PRMT7: variants seen among roughly 807,000 people sequenced by gnomAD.
The protein encoded by PRMT7 is protein arginine methyltransferase 7.
PRMT7 carries 75 observed loss-of-function variants against 85.4 expected under a neutral mutation model. That is an observed-to-expected ratio of 0.88 (90% CI 0.73 to 1.06). The LOEUF is 1.06. Among genes scored for constraint, PRMT7 ranks in the 50% least tolerant of loss-of-function variants. PRMT7 has a pLI of 0.00. For missense variants in PRMT7, 868 were observed against 915.2 expected (o/e 0.95, Z 0.67); for synonymous variants, 397 against 359.5 (o/e 1.10, Z -1.18).
chr16:68,334,883 G>A (rs1008107245), intron 6 of PRMT7, among the ~76,000 whole-genome samples: 1 of 151,904 alleles, frequency 6.6e-6, no homozygotes, highest in African/African-American at 2.4e-5. Flanking sequence ...TACAACATCT[G>A]CCTCCCGGGT....
intron 14 of PRMT7, chr16:68,352,023 A>C (rs2087453546): frequency 6.0e-6 from 3 of 498,724 alleles, no homozygotes; most frequent in Non-Finnish European, 7.2e-6. Context: ...TACAGCCTCC[A>C]GGGCAGGTAC....
intron 16 of PRMT7, 85 bp downstream of exon 16, chr16:68,353,651 G>A: frequency 7.5e-7 from 1 of 1,334,508 alleles, no homozygotes; most frequent in Non-Finnish European, 1.0e-6. Context: ...GGGCAGCACA[G>A]GCTCTTCTGT....
At position 68,345,608 on chromosome 16, in the gene PRMT7, G is replaced by T. The variant is rs898494287; in HGVS notation, c.928-67G>T. ...GAAAACTGGCAGTTCTCTGGCATTT[G>T]GCTCCTGGATTAGAAGCATTGCTCA... On this transcript the variant is annotated intron_variant, in intron 9 of 18. Transcript: ENST00000441236. The T allele has an allele frequency of 3.1e-6, 5 of 1,599,696 alleles. No homozygotes were observed. The African/African-American group carries it at 6.7e-5, about 21-fold the overall frequency.
At chr16:68,324,405 T>C in intron 4 of PRMT7, 1 of 456,780 alleles carries the variant, frequency 2.2e-6, no homozygotes, top group Non-Finnish European at 4.0e-6. Flanking sequence ...TGGCTGTACC[T>C]AACAGTTGGA....
In PRMT7 at chr16:68,329,165, G is replaced by A. The variant is rs754007433; in HGVS notation, c.382G>A (p.Val128Ile). The change falls in exon 6 of 19, where the codon GTA becomes ATA. Residue 128 changes from valine (V) to isoleucine (I), a missense_variant. Coordinates refer to ENST00000441236, the MANE Select transcript of PRMT7 (RefSeq NM_019023.5). ...VINKHSTEVTVGPEGDMPCRA... is the reference protein window; with the variant it reads ...VINKHSTEVTIGPEGDMPCRA... ...CAACAAGCATTCCACCGAGGTGACTGTAGGTCCAGGTGAGATTTACACACC... is the reference window on the plus strand; with the variant it reads ...CAACAAGCATTCCACCGAGGTGACTATAGGTCCAGGTGAGATTTACACACC... The A allele has an allele frequency of 2.5e-6, 4 of 1,590,238 alleles. No homozygotes were observed. The highest frequency in any genetic ancestry group is 3.5e-6 in the Non-Finnish European group (4 of 1,158,486).
chr16:68,311,859 A>G (rs921680440), intron 1 of PRMT7, 183 bp from the exon 2 acceptor site: 1 of 151,968 alleles, frequency 6.6e-6, no homozygotes, highest in African/African-American at 2.4e-5. Context: ...TTCTCTTTCT[A>G]CAACGCTCTG....
chr16:68,353,572 C>A lies in PRMT7; in HGVS notation c.1650+6C>A, dbSNP rs967241590. The A allele has an allele frequency of 1.3e-6, 2 of 1,571,126 alleles. No individual in the cohort carries two copies. The highest frequency in any genetic ancestry group is 1.7e-6 in the Non-Finnish European group (2 of 1,158,406). On this transcript the variant is annotated splice_donor_region_variant and intron_variant, in intron 16 of 18. Transcript: ENST00000441236. ...TCATGGACGACATGATTAAGGTAGG[C>A]AGGGCCACACTCTGCATAGTACCCC...
intron 9 of PRMT7, among the ~76,000 whole-genome samples, chr16:68,345,294 C>T (rs2086191407): frequency 6.6e-6 from 1 of 152,192 alleles, no homozygotes; most frequent in Admixed American, 6.5e-5. Flanking sequence ...TGAAAAGGTT[C>T]CCCTTAAACC....
rs377019678 is a variant in PRMT7, at chr16:68,355,798, G to A, written c.1726G>A (p.Glu576Lys). The change falls in exon 17 of 19, where the codon GAG becomes AAG. Residue 576 changes from glutamate to lysine, a missense_variant. By Grantham distance (56) the Glu-to-Lys change is moderately conservative. Coordinates refer to ENST00000441236, the MANE Select transcript of PRMT7 (RefSeq NM_019023.5). ...LWEYPCRSLS[E>K]PWQILTFDFQ... Reference sequence around the variant, plus strand: ...GGAGTACCCATGCCGCAGCCTCTCCGAGCCCTGGCAGATCCTGACCTTTGA... The same window carrying A: ...GGAGTACCCATGCCGCAGCCTCTCCAAGCCCTGGCAGATCCTGACCTTTGA... 2.4e-5 allele frequency: 38 copies of A among 1,611,668 alleles called. No individual in the cohort carries two copies. The highest frequency in any genetic ancestry group is 2.9e-5 in the Non-Finnish European group (34 of 1,179,386).
rs369478826 is a variant in PRMT7 at position 68,319,711 on chromosome 16, A to AGTGTGTGTGTGTGTGTGTGTGTGTGTGT, written c.96-1712_96-1685dup. 1.9e-4 allele frequency among the ~76,000 whole-genome samples: 27 copies of AGTGTGTGTGTGTGTGTGTGTGTGTGTGT among 141,540 alleles called. 1 individual carries two copies. Among genetic ancestry groups the AGTGTGTGTGTGTGTGTGTGTGTGTGTGT allele is most frequent in the East Asian group, 6.5e-4 (3 of 4,590 alleles). 92.9% of individuals were successfully genotyped at this position (141,540 alleles called of 152,430 possible). On this transcript the variant is annotated intron_variant, in intron 3 of 18. Coordinates refer to ENST00000441236, the MANE Select transcript of PRMT7 (RefSeq NM_019023.5). ...GCCCAGCCTTCTCAATAAGAGTGAG[A>AGTGTGTGTGTGTGTGTGTGTGTGTGTGT]GTGTGTGTGTGTGTGTGTGTGTGTG...
chr16:68,343,695 A>G (rs1198285776), intron 9 of PRMT7, among the ~76,000 whole-genome samples: 1 of 152,206 alleles, frequency 6.6e-6, no homozygotes, highest in African/African-American at 2.4e-5. Context: ...TGTGGGAATG[A>G]ATAAAAGGTT....
chr16:68,346,768 T>G (rs967428524), intron 11 of PRMT7, among the ~76,000 whole-genome samples: 1 of 151,730 alleles, frequency 6.6e-6, no homozygotes, highest in Non-Finnish European at 1.5e-5. Flanking sequence ...GGTGTGAATG[T>G]GTGCATTTTG....
At chr16:68,360,023 T>G (rs1036009046), downstream of PRMT7, 4 of 153,044 alleles carry the variant, frequency 2.6e-5, no homozygotes, top group African/African-American at 9.6e-5. Context: ...CAGGCTGCTC[T>G]CTGCACCTTG....
At chr16:68,353,671 T>A in intron 16 of PRMT7, 105 bp downstream of exon 16, 1 of 1,058,300 alleles carries the variant, frequency 9.4e-7, no homozygotes, top group Non-Finnish European at 1.3e-6. Context: ...TTGGGGGCAG[T>A]GAGGTCAGGT....
intron 18 of PRMT7, 50 bp downstream of exon 18, chr16:68,356,847 CGCCGCCTGGGGA>C: frequency 6.5e-7 from 1 of 1,545,626 alleles, no homozygotes; most frequent in South Asian, 1.2e-5. Context: ...TGAGAGCAGG[CGCCGCCTGGGGA>C]GGCCTCCCTG....
chr16:68,317,385 G>C (rs891685122), intron 3 of PRMT7, among the ~76,000 whole-genome samples: 7 of 152,154 alleles, frequency 4.6e-5, no homozygotes, highest in Non-Finnish European at 8.8e-5. Flanking sequence ...TTGAGCAGCA[G>C]GGATTACAGG....
intron 5 of PRMT7, among the ~76,000 whole-genome samples, chr16:68,327,779 C>T (rs1384172064): frequency 1.3e-5 from 2 of 151,768 alleles, no homozygotes; most frequent in African/African-American, 2.4e-5. Flanking sequence ...AAAACCCCGC[C>T]TCTACAAAAA....
At chr16:68,324,371 C>T (rs1389188863) in intron 4 of PRMT7, 24 of 367,568 alleles carry the variant, frequency 6.5e-5, no homozygotes, top group Non-Finnish European at 1.5e-5. Context: ...TCCTACCTTC[C>T]AGTCGCCCTC....
chr16:68,331,658 G>A lies in PRMT7; in HGVS notation c.391+2484G>A, dbSNP rs531399892. Among the ~76,000 whole-genome samples, 4 of 151,916 alleles carry A rather than the reference G, an allele frequency of 2.6e-5. No individual in the cohort carries two copies. The East Asian group carries it at 7.8e-4, about 29-fold the overall frequency. ...AACTTAAAAAAAATTTTTTTTTGTAGAGATGGGATCTCAGTTTGTTGCTTA... is the reference window on the plus strand; with the variant it reads ...AACTTAAAAAAAATTTTTTTTTGTAAAGATGGGATCTCAGTTTGTTGCTTA... On this transcript the variant is annotated intron_variant, in intron 6 of 18. Coordinates refer to ENST00000441236, the MANE Select transcript of PRMT7 (RefSeq NM_019023.5).
Sources: gnomAD v4.1 joint callset for allele counts (sites outside exome capture counted in the v4.1 genomes callset) on GRCh38, gnomAD v4.1.1 for gene constraint, MANE v1.5 for transcripts, NCBI Gene and HGNC (gene_info 2026-07-23, HGNC 2026-07-21) for gene names.